BPIFA2: variants seen among roughly 807,000 people sequenced by gnomAD.
The protein encoded by BPIFA2 is BPI fold containing family A member 2, also known as BPI fold-containing family A member 2.
In BPIFA2, 20 loss-of-function variants were observed where a neutral mutation model predicts 25.7. That is an observed-to-expected ratio of 0.78 (90% CI 0.55 to 1.13). The LOEUF (loss-of-function observed/expected upper bound fraction) is 1.13, where lower values mean the gene tolerates loss of function less well. Among genes scored for constraint, BPIFA2 ranks in the 50% most tolerant of loss-of-function variants. The pLI, the probability that BPIFA2 is intolerant of heterozygous loss-of-function variation, is 0.00. For missense variants in BPIFA2, 300 were observed against 298.1 expected, an observed-to-expected ratio of 1.01 and a Z score of -0.05; for synonymous variants, 126 against 124.3, an observed-to-expected ratio of 1.01 and a Z score of -0.09.
intron 2 of BPIFA2, among the ~76,000 whole-genome samples, chr20:33,170,392 G>T (rs576257956): frequency 4.6e-5 from 7 of 151,982 alleles, no homozygotes; most frequent in Non-Finnish European, 1.0e-4. Flanking sequence ...ATTTTCATGA[G>T]CATCATCCTG....
At chr20:33,167,314 C>A (rs555634713), upstream of BPIFA2, among the ~76,000 whole-genome samples, 1 of 152,214 alleles carries the variant, frequency 6.6e-6, no homozygotes, top group African/African-American at 2.4e-5. Context: ...CGGGTTGACA[C>A]AGGCCCAATG....
chr20:33,181,284 A>G lies in BPIFA2; in HGVS notation c.*98A>G, dbSNP rs1555791021. On this transcript the variant is annotated 3_prime_UTR_variant, in exon 9 of 9. Transcript: ENST00000354932. The stretch of plus-strand genomic sequence containing the variant: ...CATCTCCCTCCAGGAAGCTGCTGCC[A>G]CCACCTAACCAGCGTGAAAGCCTGA... 2 of 152,366 alleles carry G rather than the reference A, an allele frequency of 1.3e-5. No homozygotes were observed. The allele number at this position is 152,366 out of a possible 1,614,324, so 9.4% of individuals were successfully genotyped here.
intron 5 of BPIFA2, among the ~76,000 whole-genome samples, chr20:33,177,107 C>T (rs1490452340): frequency 6.6e-6 from 1 of 152,194 alleles, no homozygotes; most frequent in Non-Finnish European, 1.5e-5. Flanking sequence ...GTAATCCCAG[C>T]ACTTTGGGAG....
rs6057744 is a variant in BPIFA2 at position 33,176,947 on chromosome 20, C to T, written c.564-1200C>T. On this transcript the variant is annotated intron_variant, in intron 5 of 8. Coordinates refer to ENST00000354932, the MANE Select transcript of BPIFA2 (RefSeq NM_080574.4). The stretch of plus-strand genomic sequence containing the variant: ...ACTTTTGCATCCTTCAGGGCCTTCC[C>T]AGGGCTCCTCCTATTCTCTCTCGTA... 3.9e-3 allele frequency among the ~76,000 whole-genome samples: 591 copies of T among 152,262 alleles called. 4 individuals carry two copies. Among genetic ancestry groups the T allele is most frequent in the African/African-American group, 0.014 (568 of 41,530 alleles).
intron 2 of BPIFA2, among the ~76,000 whole-genome samples, chr20:33,170,877 A>G (rs759311033): frequency 2.6e-5 from 4 of 152,192 alleles, no homozygotes; most frequent in Non-Finnish European, 4.4e-5. Flanking sequence ...TTTTACATTT[A>G]AGTATTTAAA....
chr20:33,164,657 T>G (rs982876038), upstream of BPIFA2, among the ~76,000 whole-genome samples: 4 of 151,762 alleles, frequency 2.6e-5, no homozygotes, highest in Admixed American at 2.6e-4. Context: ...CCCTCTCTCT[T>G]TCCTTCCTCT....
At chr20:33,167,401 T>G (rs976348605), upstream of BPIFA2, among the ~76,000 whole-genome samples, 4 of 152,140 alleles carry the variant, frequency 2.6e-5, no homozygotes, top group African/African-American at 9.7e-5. Context: ...ACTCTCCCTC[T>G]CTGCTAACTG....
chr20:33,181,044 C>A (rs907562627), intron 8 of BPIFA2, among the ~76,000 whole-genome samples, 180 bp from the exon 9 acceptor site: 1 of 152,170 alleles, frequency 6.6e-6, no homozygotes, highest in Admixed American at 6.5e-5. Context: ...TGAAAGACCC[C>A]AAACCACAGG....
chr20:33,174,094 C>T lies in BPIFA2; in HGVS notation c.318C>T (p.Asn106=). ...TTTCACACAGGTTGAAAATCAGCAA[C>T]TCCCTCATCCTGGATGTCAAAGCTG... ...NTDIFGLKIS[N]SLILDVKAEP... is the part of the protein sequence containing the mutation. Residue 106 remains asparagine (N), a synonymous_variant, in exon 4 of 9, where the codon AAC becomes AAT. Coordinates refer to ENST00000354932, the MANE Select transcript of BPIFA2 (RefSeq NM_080574.4). 6.2e-7 allele frequency: 1 copy of T among 1,614,142 alleles called. No individual in the cohort carries two copies. Among genetic ancestry groups the T allele is most frequent in the Non-Finnish European group, 8.5e-7 (1 of 1,179,992 alleles).
At chr20:33,162,679 C>T (rs937172894) in intron 1 of BPIFA2, among the ~76,000 whole-genome samples, 1 of 152,200 alleles carries the variant, frequency 6.6e-6, no homozygotes, top group African/African-American at 2.4e-5. Context: ...AGAGGCAATG[C>T]CACCATTCCA....
At chr20:33,166,885 C>G (rs1215359839), upstream of BPIFA2, among the ~76,000 whole-genome samples, 2 of 152,236 alleles carry the variant, frequency 1.3e-5, no homozygotes, top group Non-Finnish European at 2.9e-5. Flanking sequence ...AAGATTTCAG[C>G]ACAGCCCTTG....
intron 2 of BPIFA2, 117 bp downstream of exon 2, chr20:33,169,419 T>A (rs1392622355): frequency 9.9e-7 from 1 of 1,014,704 alleles, no homozygotes; most frequent in East Asian, 2.5e-5. Context: ...CTGAGAAAAG[T>A]GGCTATTCAA....
rs76549422 is a variant in BPIFA2, at chr20:33,173,147, T to G, written c.302+71T>G. 0.023 allele frequency: 35,766 copies of G among 1,542,364 alleles called. 527 individuals are homozygous for G. Among genetic ancestry groups the G allele is most frequent in the Middle Eastern group, 0.039 (225 of 5,782 alleles). On this transcript the variant is annotated intron_variant, in intron 3 of 8. Transcript: ENST00000354932. ...AAAACATATCTTTGAGGAGGTAAGT[T>G]TAAGATGAAAGACAGATGGACAAGC...
intron 2 of BPIFA2, among the ~76,000 whole-genome samples, chr20:33,170,673 C>T (rs1230698127): frequency 2.6e-5 from 4 of 152,178 alleles, no homozygotes; most frequent in African/African-American, 4.8e-5. Context: ...GGATTACAGG[C>T]GTGAGCCACC....
chr20:33,173,217 AC>A, intron 3 of BPIFA2, 141 bp downstream of exon 3: 1 of 979,248 alleles, frequency 1.0e-6, no homozygotes. Flanking sequence ...GCAAGGCCAG[AC>A]CCACCAGAGC....
At chr20:33,176,731 C>T (rs1452061647) in intron 5 of BPIFA2, among the ~76,000 whole-genome samples, 1 of 152,148 alleles carries the variant, frequency 6.6e-6, no homozygotes, top group Non-Finnish European at 1.5e-5. Flanking sequence ...TCCCCATGGT[C>T]ATGAAGGCTC....
At chr20:33,163,526 TA>T (rs1341845945), upstream of BPIFA2, among the ~76,000 whole-genome samples, 5 of 152,094 alleles carry the variant, frequency 3.3e-5, no homozygotes, top group African/African-American at 1.2e-4. Flanking sequence ...ACTGTTAGAA[TA>T]TAAATGGCAG....
At chr20:33,173,767 G>C (rs1385785230) in intron 3 of BPIFA2, among the ~76,000 whole-genome samples, 1 of 152,188 alleles carries the variant, frequency 6.6e-6, no homozygotes, top group Non-Finnish European at 1.5e-5. Context: ...GCCTCCCAAA[G>C]TGCTGGGATT....
chr20:33,180,762 A>G (rs1012388303), intron 8 of BPIFA2, among the ~76,000 whole-genome samples, 165 bp downstream of exon 8: 1 of 152,176 alleles, frequency 6.6e-6, no homozygotes, highest in African/African-American at 2.4e-5. Context: ...TCACACTCTG[A>G]ACACTGAGCC....
Sources: allele counts gnomAD v4.1 joint callset (sites outside exome capture counted in the v4.1 genomes callset), GRCh38; gene constraint gnomAD v4.1.1; transcripts MANE v1.5; gene names NCBI Gene and HGNC (gene_info 2026-07-23, HGNC 2026-07-21).